UBR4: variants seen among roughly 807,000 people sequenced by gnomAD.
UBR4 encodes the protein ubiquitin protein ligase E3 component n-recognin 4.
A neutral mutation model predicts 575.6 loss-of-function variants in UBR4; 124 were observed. That is an observed-to-expected ratio of 0.22 (90% CI 0.19 to 0.25). The LOEUF is 0.25. Among genes scored for constraint, UBR4 ranks in the 10% least tolerant of loss-of-function variants. The pLI is 1.00. For missense variants in UBR4, 4,818 were observed against 6,478.8 expected, an observed-to-expected ratio of 0.74 and a Z score of 8.80; for synonymous variants, 2,455 against 2,473.7, an observed-to-expected ratio of 0.99 and a Z score of 0.22.
intron 60 of UBR4, among the ~76,000 whole-genome samples, chr1:19,132,308 A>G (rs1400336282): frequency 6.6e-6 from 1 of 151,862 alleles, no homozygotes; most frequent in Non-Finnish European, 1.5e-5. Context: ...CAGCCTCCCA[A>G]GTAGCTGGGA....
At chr1:19,198,151 T>A in intron 5 of UBR4, 102 bp from the exon 6 acceptor site, 1 of 1,151,530 alleles carries the variant, frequency 8.7e-7, no homozygotes, top group Non-Finnish European at 1.2e-6. Flanking sequence ...GACTCCCCAG[T>A]TAGTGAAGGG....
intron 105 of UBR4, 78 bp downstream of exon 105, chr1:19,076,662 A>C (rs2075972229): frequency 6.3e-7 from 1 of 1,594,108 alleles, no homozygotes; most frequent in East Asian, 2.2e-5. Context: ...CGTGAAGATA[A>C]AGCTACGGAT....
chr1:19,161,072 T>C lies in UBR4; in HGVS notation c.5251A>G (p.Ile1751Val). The C allele has an allele frequency of 6.2e-7, 1 of 1,614,100 alleles. No individual in the cohort carries two copies. The highest frequency in any genetic ancestry group is 1.6e-4 in the Middle Eastern group (1 of 6,062). The stretch of plus-strand genomic sequence containing the variant: ...GCATGACGCACTAGACTCTCTGAAA[T>C]CCTGGGTTCACTCTGAAATGCCGAC... ...KESAFQSEPR[I>V]SESLVRHAST... Residue 1751 changes from isoleucine (I) to valine (V), a missense_variant, in exon 38 of 106, where the codon ATT (isoleucine) becomes GTT (valine). This residue lies in a region of UBR4 where 159 missense variants were observed against 174.6 expected (regional missense o/e 0.91). Transcript: ENST00000375254.
At chr1:19,101,760 C>T in intron 87 of UBR4, 119 bp from the exon 88 acceptor site, 2 of 1,436,168 alleles carry the variant, frequency 1.4e-6, no homozygotes, top group Non-Finnish European at 1.9e-6. Flanking sequence ...TCTTTAAATG[C>T]CCTACATGGC....
At chr1:19,208,444 G>T (rs2093122571) in intron 1 of UBR4, among the ~76,000 whole-genome samples, 1 of 124,534 alleles carries the variant, frequency 8.0e-6, no homozygotes, top group African/African-American at 3.1e-5. Context: ...TCCAGCCTGG[G>T]TGACAGAGCA....
At chr1:19,154,769 T>C in intron 44 of UBR4, 149 bp downstream of exon 44, 2 of 1,161,152 alleles carry the variant, frequency 1.7e-6, no homozygotes, top group Non-Finnish European at 2.4e-6. Context: ...TGTTCCTTGA[T>C]TTTAAAGATA....
chr1:19,154,977 T>G lies in UBR4; in HGVS notation c.6399A>C (p.Ala2133=). The G allele has an allele frequency of 6.2e-7, 1 of 1,614,198 alleles. No homozygotes were observed. Among genetic ancestry groups the G allele is most frequent in the Non-Finnish European group, 8.5e-7 (1 of 1,180,024 alleles). ...CCAGGGTTGTCCTGCTGATGGTGGC[T>G]GCGAATGATTTGCCTTGACAATAGC... ...FFSYCQGKSF[A]ATISRTTLEV... Residue 2133 remains alanine (A), a synonymous_variant, in exon 44 of 106, where the codon GCA becomes GCC. Coordinates refer to ENST00000375254, the MANE Select transcript of UBR4 (RefSeq NM_020765.3).
chr1:19,075,558 C>A (rs992789879), intron 105 of UBR4: 3 of 157,282 alleles, frequency 1.9e-5, no homozygotes, highest in Non-Finnish European at 2.8e-5. Flanking sequence ...GTGGAGTTAA[C>A]AAACACACAG....
intron 20 of UBR4, among the ~76,000 whole-genome samples, chr1:19,175,740 A>G (rs2151002660): frequency 6.6e-6 from 1 of 152,248 alleles, no homozygotes; most frequent in East Asian, 1.9e-4. Flanking sequence ...CATATACTGT[A>G]CCCTATGGCC....
intron 43 of UBR4, 135 bp downstream of exon 43, chr1:19,155,306 A>C (rs907832921): frequency 9.1e-5 from 100 of 1,100,628 alleles, no homozygotes; most frequent in Non-Finnish European, 1.2e-4. Context: ...AGATGGAAAA[A>C]CAAAGAAAAA....
chr1:19,142,952 T>C (rs965179833), intron 55 of UBR4, among the ~76,000 whole-genome samples: 1 of 151,798 alleles, frequency 6.6e-6, no homozygotes, highest in African/African-American at 2.4e-5. Flanking sequence ...TGAAACCCTG[T>C]CTCTACTAAA....
At chr1:19,133,888 C>T (rs1366222341) in intron 60 of UBR4, among the ~76,000 whole-genome samples, 1 of 151,920 alleles carries the variant, frequency 6.6e-6, no homozygotes, top group African/African-American at 2.4e-5. Flanking sequence ...AGACCAGCCT[C>T]GTCAACATGA....
intron 1 of UBR4, among the ~76,000 whole-genome samples, chr1:19,207,367 G>A (rs1022828172): frequency 6.6e-6 from 1 of 152,198 alleles, no homozygotes; most frequent in Non-Finnish European, 1.5e-5. Flanking sequence ...AGTGGCTCAC[G>A]CCTGTAATCC....
At chr1:19,202,412 A>G (rs1363055518) in intron 1 of UBR4, among the ~76,000 whole-genome samples, 1 of 152,224 alleles carries the variant, frequency 6.6e-6, no homozygotes, top group Admixed American at 6.5e-5. Context: ...TGATAGCCAA[A>G]AAGGGGCAGA....
At position 19,100,719 on chromosome 1, in the gene UBR4, C is replaced by CA; in HGVS notation, c.13024-147dup. ...TTAAAGATACAAAGGACAGGAAACT[C>CA]AGAGGTACTTCCAAAAATCTAAACA... On this transcript the variant is annotated intron_variant, in intron 88 of 105. Transcript: ENST00000375254. This position sits in a 1 kb window ranked among gnomAD's most constrained non-coding sequence, Gnocchi z 4.2. The CA allele has an allele frequency of 2.7e-6, 2 of 751,264 alleles. No individual in the cohort carries two copies. The highest frequency in any genetic ancestry group is 2.7e-5 in the East Asian group (1 of 37,128). The allele number at this position is 751,264 out of a possible 1,614,324, so 46.5% of individuals were successfully genotyped here. A position where few individuals can be genotyped will look rare whatever the true frequency, so the allele number is the denominator to read the frequency against.
In UBR4 at chr1:19,112,745, G is replaced by A. The variant is rs773748409; in HGVS notation, c.11580C>T (p.Ser3860=). ...TFTASQYRAL[S]VLGCGHTSST... The stretch of plus-strand genomic sequence containing the variant: ...AGGATGTGTGGCCACAGCCCAGGAC[G>A]GATAAGGCACGGTACTGGCTGGCAG... The change falls in exon 78 of 106, where the codon TCC becomes TCT. Residue 3860 remains serine, a synonymous_variant. Coordinates refer to ENST00000375254, the MANE Select transcript of UBR4 (RefSeq NM_020765.3). 8.1e-6 allele frequency: 13 copies of A among 1,614,224 alleles called. No homozygotes were observed. Among genetic ancestry groups the A allele is most frequent in the East Asian group, 2.2e-5 (1 of 44,874 alleles).
In UBR4 at chr1:19,117,296, C is replaced by A; in HGVS notation, c.10748G>T (p.Arg3583Leu). The A allele has an allele frequency of 6.2e-7, 1 of 1,614,140 alleles. No individual in the cohort carries two copies. The highest frequency in any genetic ancestry group is 8.5e-7 in the Non-Finnish European group (1 of 1,180,032). Residue 3583 changes from arginine to leucine, a missense_variant, in exon 73 of 106, where the codon CGG becomes CTG. Arg to Leu is a moderately radical substitution (Grantham distance 102). Around this residue, in one of 29 missense-constraint regions of UBR4, gnomAD observed 550 missense variants for 791.5 expected, o/e 0.69. Transcript: ENST00000375254. This position sits in a 1 kb window ranked among gnomAD's most constrained non-coding sequence, Gnocchi z 4.0. ...GTTGATGGTCCGCACCATCTTGGTC[C>A]GTTTCAGATCCCCGATTTTCACTGT... Reference protein sequence around the residue: ...KVTVKIGDLKRTKMVRTINLY... With the variant: ...KVTVKIGDLKLTKMVRTINLY...
intron 67 of UBR4, 36 bp from the exon 68 acceptor site, chr1:19,121,470 C>T (rs752445255): frequency 1.8e-5 from 29 of 1,591,634 alleles, no homozygotes; most frequent in African/African-American, 1.6e-4. Context: ...ACCTCTGAGA[C>T]GACCTCAACC....
chr1:19,135,786 G>A (rs2083136949), intron 60 of UBR4, among the ~76,000 whole-genome samples: 1 of 151,954 alleles, frequency 6.6e-6, no homozygotes, highest in Non-Finnish European at 1.5e-5. Flanking sequence ...AAGACAAAAA[G>A]AATATCTGAT....
Sources: gnomAD v4.1 joint callset for allele counts (sites outside exome capture counted in the v4.1 genomes callset) on GRCh38, gnomAD v4.1.1 for gene constraint, gnomAD v4.1.1 regional missense constraint, Gnocchi (gnomAD v3.1) non-coding constraint, MANE v1.5 for transcripts, NCBI Gene and HGNC (gene_info 2026-07-23, HGNC 2026-07-21) for gene names.